The following PATJ variants were observed in gnomAD, a reference collection of about 807,000 sequenced individuals.
The protein encoded by PATJ is inaD-like protein.
PATJ carries 190 observed loss-of-function variants against 224.9 expected under a neutral mutation model. The ratio of observed to expected loss-of-function variants is 0.84; its 90% CI spans 0.75 to 0.95. The LOEUF (loss-of-function observed/expected upper bound fraction) is 0.95, where lower values mean the gene tolerates loss of function less well. PATJ is among the 40% of genes least tolerant of loss of function. The probability of loss-of-function intolerance (pLI) is 0.00; values close to 1 mark genes in which losing one functional copy is unlikely to be tolerated. For synonymous variants in PATJ, 769 were observed against 820.3 expected (o/e 0.94, Z 1.07); for missense variants, 2,121 against 2,270.3 (o/e 0.93, Z 1.34).
In PATJ at chr1:61,914,631, C is replaced by A. The variant is rs758728125; in HGVS notation, c.3537C>A (p.Asn1179Lys). Residue 1179 changes from asparagine to lysine, a missense_variant, in exon 26 of 44, where the codon AAC becomes AAA. By Grantham distance (94) the Asn-to-Lys change is moderately conservative. Coordinates refer to ENST00000642238, the MANE Select transcript of PATJ (RefSeq NM_001350145.3). ...VHNKANKITGNQNQDTQEKKE... is the reference protein window; with the variant it reads ...VHNKANKITGKQNQDTQEKKE... ...ACAAGGCCAACAAAATCACCGGTAA[C>A]CAGAACCAGGACACCCAAGAAAAGA... The A allele has an allele frequency of 3.8e-6, 6 of 1,577,554 alleles. No individual in the cohort carries two copies. In the East Asian group the frequency reaches 6.7e-5, roughly 18 times the overall value.
chr1:61,975,792 C>T (rs567545602), intron 27 of PATJ, among the ~76,000 whole-genome samples: 2 of 152,010 alleles, frequency 1.3e-5, no homozygotes, highest in Admixed American at 6.6e-5. Context: ...AAGCCACATT[C>T]GGCTGCAGCT....
chr1:61,799,665 A>G (rs553218195), intron 11 of PATJ, among the ~76,000 whole-genome samples: 1 of 152,300 alleles, frequency 6.6e-6, no homozygotes, highest in Admixed American at 6.5e-5. Flanking sequence ...CAAATAGTGA[A>G]CATCATACTG....
At chr1:61,853,773 A>G (rs1202261917) in intron 17 of PATJ, among the ~76,000 whole-genome samples, 1 of 152,186 alleles carries the variant, frequency 6.6e-6, no homozygotes, top group Non-Finnish European at 1.5e-5. Context: ...TTCCTATGCA[A>G]TAGCTCCCTC....
intron 41 of PATJ, among the ~76,000 whole-genome samples, chr1:62,138,879 C>G (rs1373431078): frequency 6.6e-6 from 1 of 152,118 alleles, no homozygotes; most frequent in Admixed American, 6.6e-5. Context: ...CGGGTAAGGA[C>G]CTCAGAGTCC....
intron 27 of PATJ, among the ~76,000 whole-genome samples, chr1:61,968,391 A>T (rs1302943480): frequency 6.6e-6 from 1 of 152,192 alleles, no homozygotes; most frequent in African/African-American, 2.4e-5. Flanking sequence ...GACTTATTTT[A>T]AAAAATAGAC....
At chr1:61,884,127 T>A (rs1668474986) in intron 21 of PATJ, 110 bp from the exon 22 acceptor site, 1 of 623,218 alleles carries the variant, frequency 1.6e-6, no homozygotes, top group South Asian at 3.7e-5. Context: ...ATTTTCAGTC[T>A]CCTACCTGGA....
At chr1:61,955,207 A>G (rs1360419802) in intron 27 of PATJ, among the ~76,000 whole-genome samples, 1 of 152,178 alleles carries the variant, frequency 6.6e-6, no homozygotes, top group African/African-American at 2.4e-5. Context: ...TGGTTGGTGG[A>G]AGTATAGCAT....
At chr1:61,880,323 C>T (rs1490912603) in intron 21 of PATJ, among the ~76,000 whole-genome samples, 3 of 152,198 alleles carry the variant, frequency 2.0e-5, no homozygotes, top group Admixed American at 6.5e-5. Context: ...AGTGGGTGCT[C>T]TATAAACATT....
At position 61,872,074 on chromosome 1, in the gene PATJ, A is replaced by G. The variant is rs558059207; in HGVS notation, c.2836-3169A>G. 5.9e-5 allele frequency among the ~76,000 whole-genome samples: 9 copies of G among 152,130 alleles called. No individual in the cohort carries two copies. The East Asian group carries it at 9.7e-4, about 16-fold the overall frequency. On this transcript the variant is annotated intron_variant, in intron 20 of 43. Coordinates refer to ENST00000642238, the MANE Select transcript of PATJ (RefSeq NM_001350145.3). The stretch of plus-strand genomic sequence containing the variant: ...ATTGAAATCCCAGATTTGGATATCA[A>G]TTTTCTTCTTCTTCATTTACTATTA...
intron 27 of PATJ, chr1:61,952,266 G>GAC: frequency 1.7e-6 from 1 of 604,414 alleles, no homozygotes; most frequent in Admixed American, 2.3e-5. Context: ...GAGAGAGAGA[G>GAC]AGAGAGAGAG....
chr1:61,895,667 G>GT (rs1272579527), intron 22 of PATJ, among the ~76,000 whole-genome samples: 1 of 152,256 alleles, frequency 6.6e-6, no homozygotes, highest in Non-Finnish European at 1.5e-5. Context: ...GTCAACTCGG[G>GT]CAGAGCCCTC....
At chr1:61,945,960 A>G (rs1489182165) in intron 27 of PATJ, among the ~76,000 whole-genome samples, 2 of 152,224 alleles carry the variant, frequency 1.3e-5, no homozygotes, top group Non-Finnish European at 2.9e-5. Flanking sequence ...CTGCTCCTGA[A>G]TGACTACTGG....
intron 27 of PATJ, among the ~76,000 whole-genome samples, chr1:61,986,403 T>C (rs1157979607): frequency 6.6e-6 from 1 of 152,104 alleles, no homozygotes; most frequent in Non-Finnish European, 1.5e-5. Flanking sequence ...TTTTCTCTTT[T>C]AGTTCTGTAA....
In PATJ at chr1:62,092,239, G is replaced by A. The variant is rs142237360; in HGVS notation, c.4377+7591G>A. 3.1e-3 allele frequency among the ~76,000 whole-genome samples: 472 copies of A among 151,992 alleles called. 2 individuals carry two copies. The highest frequency in any genetic ancestry group is 0.011 in the African/African-American group (449 of 41,468). On this transcript the variant is annotated intron_variant, in intron 33 of 43. Coordinates refer to ENST00000642238, the MANE Select transcript of PATJ (RefSeq NM_001350145.3). Reference sequence around the variant, plus strand: ...AAAAAAATTTTTTTTAATTAGCTGAGCATGGTGGCATGTGCCTGTAGTCCC... The same window carrying A: ...AAAAAAATTTTTTTTAATTAGCTGAACATGGTGGCATGTGCCTGTAGTCCC...
intron 19 of PATJ, among the ~76,000 whole-genome samples, chr1:61,863,351 A>G (rs1664932140): frequency 6.6e-6 from 1 of 152,158 alleles, no homozygotes; most frequent in African/African-American, 2.4e-5. Context: ...GTGTTAATTT[A>G]AAAGCTTCAC....
intron 27 of PATJ, among the ~76,000 whole-genome samples, chr1:61,989,186 T>C (rs1644928994): frequency 6.6e-6 from 1 of 152,050 alleles, no homozygotes; most frequent in Admixed American, 6.6e-5. Context: ...GACCCTAACA[T>C]AGAGGTAGCA....
chr1:61,846,785 G>C (rs1662036361), intron 17 of PATJ, among the ~76,000 whole-genome samples: 1 of 152,148 alleles, frequency 6.6e-6, no homozygotes, highest in African/African-American at 2.4e-5. Context: ...TTTTAGTAGA[G>C]ACGGGTTTTC....
chr1:61,884,200 C>A (rs368037359), intron 21 of PATJ, 37 bp from the exon 22 acceptor site: 1 of 1,521,094 alleles, frequency 6.6e-7, no homozygotes, highest in Non-Finnish European at 8.9e-7. Context: ...AGAATGAGTG[C>A]CTCTTGTGTT....
chr1:61,990,115 C>G (rs1644978788), intron 27 of PATJ, 53 bp from the exon 28 acceptor site: 2 of 1,282,938 alleles, frequency 1.6e-6, no homozygotes, highest in Middle Eastern at 2.5e-4. Context: ...GCTGACATCT[C>G]AATAATACAG....
Sources: allele counts gnomAD v4.1 joint callset (sites outside exome capture counted in the v4.1 genomes callset), GRCh38; gene constraint gnomAD v4.1.1; transcripts MANE v1.5; gene names NCBI Gene and HGNC (gene_info 2026-07-23, HGNC 2026-07-21).